Variants in KDM4B observed in about 807,000 individuals in gnomAD.
KDM4B encodes the protein lysine demethylase 4B.
KDM4B carries 32 observed loss-of-function variants against 125.2 expected under a neutral mutation model. That is an observed-to-expected ratio of 0.26 (90% CI 0.19 to 0.34). The LOEUF (loss-of-function observed/expected upper bound fraction) is 0.34. Ranked by LOEUF, KDM4B falls within the 10% of genes least tolerant of loss-of-function variation. KDM4B has a pLI of 1.00. For missense variants in KDM4B, 1,190 were observed against 1,577.7 expected (o/e 0.75, Z 4.16); for synonymous variants, 721 against 677.9 (o/e 1.06, Z -0.99).
At chr19:5,083,146 G>A (rs1450369351) in intron 9 of KDM4B, among the ~76,000 whole-genome samples, 17 of 152,206 alleles carry the variant, frequency 1.1e-4, no homozygotes, top group Non-Finnish European at 1.5e-5. Flanking sequence ...GTCTCAGAAG[G>A]CCGATTATTG....
chr19:5,110,850 C>G lies in KDM4B; in HGVS notation c.1115+32C>G, dbSNP rs1431012712. 3.3e-6 allele frequency: 5 copies of G among 1,509,902 alleles called. No homozygotes were observed. In the African/African-American group the frequency reaches 6.9e-5, roughly 21 times the overall value. The allele number at this position is 1,509,902 out of a possible 1,614,324, so 93.5% of individuals were successfully genotyped here. Reference sequence around the variant, plus strand: ...TGCCAAGGGACTGCCGCGTGACTGCCCAGCATCACGGGGGGTGGCCCTGCT... The same window carrying G: ...TGCCAAGGGACTGCCGCGTGACTGCGCAGCATCACGGGGGGTGGCCCTGCT... On this transcript the variant is annotated intron_variant, in intron 10 of 22. Transcript: ENST00000159111.
intron 1 of KDM4B, among the ~76,000 whole-genome samples, chr19:4,984,591 G>A (rs1419701716): frequency 1.3e-5 from 2 of 152,128 alleles, no homozygotes; most frequent in Non-Finnish European, 2.9e-5. Context: ...CGCCTCGTCA[G>A]GTTTTCTGCT....
rs547818517 is a variant in KDM4B at position 5,099,373 on chromosome 19, C to CTT, written c.919-11248_919-11247dup. The stretch of plus-strand genomic sequence containing the variant: ...TGCACCATCACCCCCAGACCCAGGG[C>CTT]TTATATACCATAGGGAAGGGTTGTT... On this transcript the variant is annotated intron_variant, in intron 9 of 22. Transcript: ENST00000159111. 9.2e-5 allele frequency among the ~76,000 whole-genome samples: 14 copies of CTT among 152,240 alleles called. No homozygotes were observed. The East Asian group carries it at 2.7e-3, about 29-fold the overall frequency.
intron 6 of KDM4B, among the ~76,000 whole-genome samples, chr19:5,069,144 G>C (rs1245648282): frequency 1.3e-5 from 2 of 152,150 alleles, no homozygotes; most frequent in African/African-American, 4.8e-5. Context: ...GACAGTGGAA[G>C]ACTCTCTGAG....
At chr19:5,020,963 A>G (rs1308781813) in intron 2 of KDM4B, among the ~76,000 whole-genome samples, 1 of 151,938 alleles carries the variant, frequency 6.6e-6, no homozygotes, top group Admixed American at 6.6e-5. Context: ...CCTGGTTAAC[A>G]TGGTGAAACT....
At chr19:5,018,701 C>A (rs938199938) in intron 2 of KDM4B, among the ~76,000 whole-genome samples, 7 of 152,188 alleles carry the variant, frequency 4.6e-5, no homozygotes, top group Admixed American at 2.6e-4. Context: ...AAGCTCTGTC[C>A]CCCTCAGCAG....
Position 5,078,364 on chromosome 19 carries a change from T to G in KDM4B, c.780+894T>G, listed in dbSNP as rs575445134. The G allele has an allele frequency of 6.6e-6, 1 of 152,096 alleles. No individual in the cohort carries two copies. Among genetic ancestry groups the G allele is most frequent in the Middle Eastern group, 3.4e-3 (1 of 292 alleles). The allele number at this position is 152,096 out of a possible 1,614,324, so 9.4% of individuals were successfully genotyped here. A position where few individuals can be genotyped will look rare whatever the true frequency, so the allele number is the denominator to read the frequency against. ...GTGTCAGCCAGCCGGAAATTGCTTG[T>G]GACATTTCAATCAAACCGCCAAAGC... On this transcript the variant is annotated intron_variant, in intron 8 of 22. Coordinates refer to ENST00000159111, the MANE Select transcript of KDM4B (RefSeq NM_015015.3). The surrounding 1 kb of genome is among the most constrained non-coding windows in gnomAD (Gnocchi z 4.5).
At chr19:5,070,972 A>G (rs2037929589) in intron 6 of KDM4B, 38 bp from the exon 7 acceptor site, 1 of 1,612,272 alleles carries the variant, frequency 6.2e-7, no homozygotes, top group African/African-American at 1.3e-5. Context: ...CGTGGCTGCC[A>G]CCGATCTTGC....
At chr19:5,147,504 G>T (rs1825306124) in intron 21 of KDM4B, among the ~76,000 whole-genome samples, 1 of 152,186 alleles carries the variant, frequency 6.6e-6, no homozygotes, top group South Asian at 2.1e-4. Context: ...CAGCACTGTG[G>T]GAGGCTGAGG....
rs2034244178 is a variant in KDM4B, at chr19:4,971,136, G to A, written c.-109+1906G>A. Among the ~76,000 whole-genome samples, 1 of 152,178 alleles carries A rather than the reference G, an allele frequency of 6.6e-6. No individual in the cohort carries two copies. Among genetic ancestry groups the A allele is most frequent in the African/African-American group, 2.4e-5 (1 of 41,438 alleles). ...AATATATATGTCTTAGTAACAATCCGTTTGCTCGCATTTTCTAACCCTTTC... is the reference window on the plus strand; with the variant it reads ...AATATATATGTCTTAGTAACAATCCATTTGCTCGCATTTTCTAACCCTTTC... On this transcript the variant is annotated intron_variant, in intron 1 of 22. Transcript: ENST00000159111. This position sits in a 1 kb window ranked among gnomAD's most constrained non-coding sequence, Gnocchi z 4.1.
chr19:5,026,137 G>A (rs958671669), intron 2 of KDM4B, among the ~76,000 whole-genome samples: 5 of 151,608 alleles, frequency 3.3e-5, no homozygotes, highest in African/African-American at 7.3e-5. Flanking sequence ...GACAGGGCGT[G>A]GTGGCTCACA....
intron 2 of KDM4B, among the ~76,000 whole-genome samples, chr19:5,023,810 CT>C (rs2036198182): frequency 1.2e-4 from 15 of 123,200 alleles, no homozygotes; most frequent in African/African-American, 4.7e-4. Context: ...CTGTCCCTGG[CT>C]GGAGTACAGT....
intron 6 of KDM4B, among the ~76,000 whole-genome samples, chr19:5,052,759 T>C (rs1365733931): frequency 4.6e-5 from 7 of 152,214 alleles, no homozygotes; most frequent in Admixed American, 1.3e-4. Flanking sequence ...GGCGAGCCCG[T>C]CCCAGGCAGC....
chr19:5,080,818 G>A (rs2038268514), intron 8 of KDM4B: 1 of 152,250 alleles, frequency 6.6e-6, no homozygotes, highest in Non-Finnish European at 1.5e-5. Flanking sequence ...CAGGAGGATA[G>A]ATAAATAAAT....
At chr19:5,015,476 C>T (rs534954929) in intron 1 of KDM4B, among the ~76,000 whole-genome samples, 106 of 152,060 alleles carry the variant, frequency 7.0e-4, no homozygotes, top group Non-Finnish European at 1.3e-3. Flanking sequence ...GGTCTTGAAC[C>T]CCTGACCTCA....
At chr19:4,981,485 G>A (rs1210986995) in intron 1 of KDM4B, among the ~76,000 whole-genome samples, 1 of 152,182 alleles carries the variant, frequency 6.6e-6, no homozygotes, top group African/African-American at 2.4e-5. Context: ...TCCGGGGCCT[G>A]GTCCCAGCCC....
At chr19:5,050,886 T>G (rs2037199543) in intron 6 of KDM4B, among the ~76,000 whole-genome samples, 1 of 151,898 alleles carries the variant, frequency 6.6e-6, no homozygotes, top group Non-Finnish European at 1.5e-5. Flanking sequence ...GGCGACAGAG[T>G]GAGACTCCGT....
At chr19:5,133,745 G>A (rs774305025) in intron 13 of KDM4B, 138 bp from the exon 14 acceptor site, 50 of 755,684 alleles carry the variant, frequency 6.6e-5, no homozygotes, top group Middle Eastern at 4.8e-4. Flanking sequence ...GCAGGTGGAG[G>A]GGGAGCTATG....
intron 9 of KDM4B, among the ~76,000 whole-genome samples, chr19:5,102,668 C>T (rs2038960038): frequency 6.6e-6 from 1 of 152,158 alleles, no homozygotes; most frequent in Non-Finnish European, 1.5e-5. Context: ...CCCGGCTCCC[C>T]TCAGGCTCTC....
Sources: allele counts gnomAD v4.1 joint callset (sites outside exome capture counted in the v4.1 genomes callset), GRCh38; gene constraint gnomAD v4.1.1; non-coding constraint Gnocchi (gnomAD v3.1); transcripts MANE v1.5; gene names NCBI Gene and HGNC (gene_info 2026-07-23, HGNC 2026-07-21).